The following PRR14L variants were observed in gnomAD, a reference collection of about 807,000 sequenced individuals.
The protein encoded by PRR14L is proline rich 14 like.
PRR14L carries 80 observed loss-of-function variants against 155.0 expected under a neutral mutation model. The ratio of observed to expected loss-of-function variants is 0.52; its 90% CI spans 0.43 to 0.62. The LOEUF (loss-of-function observed/expected upper bound fraction) is 0.62. Among genes scored for constraint, PRR14L ranks in the 20% least tolerant of loss-of-function variants. The pLI, the probability that PRR14L is intolerant of heterozygous loss-of-function variation, is 0.00. For missense variants in PRR14L, 2,469 were observed against 2,548.0 expected (o/e 0.97, Z 0.67); for synonymous variants, 883 against 916.0 (o/e 0.96, Z 0.65).
rs2074795439 is a variant in PRR14L, at chr22:31,738,530, C to T, written c.331G>A (p.Ala111Thr). The change falls in exon 2 of 9, where the codon GCA (alanine) becomes ACA (threonine). Residue 111 changes from alanine to threonine, a missense_variant. Around this residue, in one of 2 missense-constraint regions of PRR14L, gnomAD observed 2,363 missense variants for 2,371.6 expected, o/e 1.00. Transcript: ENST00000327423. ...GGCTCCATGCTCTCGCTTCTCTTTGCCCTATCCAAGATCCCAGATGCCACA... is the reference window on the plus strand; with the variant it reads ...GGCTCCATGCTCTCGCTTCTCTTTGTCCTATCCAAGATCCCAGATGCCACA... ...GSVASGILDR[A>T]KRSESMEPKV... 1 of 1,552,010 alleles carries T rather than the reference C, an allele frequency of 6.4e-7. No individual in the cohort carries two copies. Among genetic ancestry groups the T allele is most frequent in the Non-Finnish European group, 8.7e-7 (1 of 1,147,058 alleles).
chr22:31,723,284 T>C (rs1286021755), intron 3 of PRR14L, among the ~76,000 whole-genome samples: 1 of 152,156 alleles, frequency 6.6e-6, no homozygotes, highest in Non-Finnish European at 1.5e-5. Flanking sequence ...TGAAGAAAAG[T>C]GTCACAGAGT....
intron 2 of PRR14L, among the ~76,000 whole-genome samples, chr22:31,738,024 A>G (rs1280714875): frequency 1.3e-5 from 2 of 151,946 alleles, no homozygotes; most frequent in Non-Finnish European, 2.9e-5. Flanking sequence ...AAAAAAAAAA[A>G]AGCCTCCCTT....
chr22:31,706,913 G>A (rs2074595427), intron 4 of PRR14L, among the ~76,000 whole-genome samples: 1 of 152,050 alleles, frequency 6.6e-6, no homozygotes, highest in South Asian at 2.1e-4. Context: ...GCCAGGCGTG[G>A]TGGTACATGC....
chr22:31,720,131 T>C (rs751904064), intron 3 of PRR14L, among the ~76,000 whole-genome samples: 1 of 152,176 alleles, frequency 6.6e-6, no homozygotes, highest in Non-Finnish European at 1.5e-5. Context: ...TTAAATTAAA[T>C]AATGCATGTA....
rs911082623 is a variant in PRR14L, at chr22:31,725,331, G to A, written c.547+207C>T. 5.3e-5 allele frequency among the ~76,000 whole-genome samples: 8 copies of A among 152,118 alleles called. 1 individual carries two copies. Among genetic ancestry groups the A allele is most frequent in the Non-Finnish European group, 1.0e-4 (7 of 68,018 alleles). On this transcript the variant is annotated intron_variant, in intron 3 of 8. Transcript: ENST00000327423. Reference sequence around the variant, plus strand: ...TGAGGTATGAAGATCACTTGAGCCCGGGAGGTTGAGGCTGCAGTGCACTGT... The same window carrying A: ...TGAGGTATGAAGATCACTTGAGCCCAGGAGGTTGAGGCTGCAGTGCACTGT...
At chr22:31,745,876 A>G (rs931312564) in intron 1 of PRR14L, among the ~76,000 whole-genome samples, 4 of 149,866 alleles carry the variant, frequency 2.7e-5, no homozygotes, top group African/African-American at 4.9e-5. Context: ...ATATATATAT[A>G]TAAGCCAAGT....
At chr22:31,744,885 C>G (rs549664117) in intron 1 of PRR14L, among the ~76,000 whole-genome samples, 1 of 152,318 alleles carries the variant, frequency 6.6e-6, no homozygotes, top group African/African-American at 2.4e-5. Context: ...TCTTGATACT[C>G]TTGTTTGGAC....
chr22:31,686,077 G>A (rs1361979842), intron 8 of PRR14L, among the ~76,000 whole-genome samples: 1 of 151,760 alleles, frequency 6.6e-6, no homozygotes, highest in African/African-American at 2.4e-5. Flanking sequence ...GGGGACTACA[G>A]GTATGTGTCA....
chr22:31,690,070 CCA>C (rs2074503602), intron 7 of PRR14L, among the ~76,000 whole-genome samples: 1 of 152,204 alleles, frequency 6.6e-6, no homozygotes, highest in African/African-American at 2.4e-5. Flanking sequence ...GTGCGTGTCA[CCA>C]CACCCAGCTA....
intron 7 of PRR14L, among the ~76,000 whole-genome samples, chr22:31,690,948 AT>A (rs913078136): frequency 1.5e-4 from 20 of 133,974 alleles, no homozygotes; most frequent in South Asian, 9.5e-4. Context: ...CCTCCAGCTA[AT>A]TTTTTTTTCT....
At chr22:31,733,504 C>T (rs995340693) in intron 2 of PRR14L, among the ~76,000 whole-genome samples, 5 of 151,988 alleles carry the variant, frequency 3.3e-5, no homozygotes, top group Admixed American at 6.6e-5. Context: ...AGGCTTTCAC[C>T]ATGTTGCCCA....
At chr22:31,723,798 G>A (rs1468307755) in intron 3 of PRR14L, among the ~76,000 whole-genome samples, 2 of 152,196 alleles carry the variant, frequency 1.3e-5, no homozygotes, top group East Asian at 3.8e-4. Flanking sequence ...CTGCCGAGAA[G>A]CTAAGAGTCA....
intron 1 of PRR14L, among the ~76,000 whole-genome samples, chr22:31,748,925 T>G (rs2074855697): frequency 6.6e-6 from 1 of 152,188 alleles, no homozygotes; most frequent in East Asian, 1.9e-4. Flanking sequence ...TGTCTCTTTC[T>G]CTAACCCCTA....
At chr22:31,725,963 C>T (rs962697799) in intron 2 of PRR14L, among the ~76,000 whole-genome samples, 6 of 151,990 alleles carry the variant, frequency 3.9e-5, no homozygotes, top group Non-Finnish European at 8.8e-5. Context: ...GCCACCACGC[C>T]TGGCTGAATA....
At chr22:31,699,029 T>C (rs570490834) in intron 7 of PRR14L, among the ~76,000 whole-genome samples, 4 of 152,288 alleles carry the variant, frequency 2.6e-5, no homozygotes, top group Non-Finnish European at 5.9e-5. Flanking sequence ...CAATGCTTTA[T>C]TATAAATTTA....
At chr22:31,732,158 C>G (rs149683795) in intron 2 of PRR14L, among the ~76,000 whole-genome samples, 357 of 152,274 alleles carry the variant, frequency 2.3e-3, no homozygotes, top group Middle Eastern at 0.01. Context: ...GCAGATACTT[C>G]TATATATGCT....
Position 31,716,653 on chromosome 22 carries a change from C to CTAG in PRR14L, c.1185_1186insCTA (p.Arg395_Glu396insLeu). 1 of 1,552,060 alleles carries CTAG rather than the reference C, an allele frequency of 6.4e-7. No homozygotes were observed. Among genetic ancestry groups the CTAG allele is most frequent in the Non-Finnish European group, 8.7e-7 (1 of 1,147,094 alleles). On this transcript the variant is annotated inframe_insertion, in exon 4 of 9. Coordinates refer to ENST00000327423, the MANE Select transcript of PRR14L (RefSeq NM_173566.3). ...ATCAAAAGCCGTTCCTCATTTTCTT[C>CTAG]TCTAGAAGCCAAGTTCTTCCCTTGA...
At chr22:31,745,855 A>ATATATAT (rs1184334636) in intron 1 of PRR14L, among the ~76,000 whole-genome samples, 15 of 142,466 alleles carry the variant, frequency 1.1e-4, no homozygotes, top group Middle Eastern at 6.6e-3. Context: ...AAAAAAAAAA[A>ATATATAT]AAAAAAATAT....
intron 7 of PRR14L, among the ~76,000 whole-genome samples, chr22:31,695,058 G>A (rs978820743): frequency 1.1e-4 from 16 of 152,148 alleles, no homozygotes; most frequent in African/African-American, 3.9e-4. Flanking sequence ...ACTCCAGCCT[G>A]GGTGACAGAG....
Sources: allele counts gnomAD v4.1 joint callset (sites outside exome capture counted in the v4.1 genomes callset), GRCh38; gene constraint gnomAD v4.1.1; regional missense constraint gnomAD v4.1.1; transcripts MANE v1.5; gene names NCBI Gene and HGNC (gene_info 2026-07-23, HGNC 2026-07-21).